The following TRPM3 variants were observed in gnomAD, a reference collection of about 807,000 sequenced individuals.
TRPM3 encodes long transient receptor potential channel 3.
Under a neutral mutation model 181.2 loss-of-function variants are expected in TRPM3, and 77 were observed. That is an observed-to-expected ratio of 0.42 (90% CI 0.35 to 0.51). The LOEUF is 0.51. Ranked by LOEUF, TRPM3 falls within the 20% of genes least tolerant of loss-of-function variation. The probability of loss-of-function intolerance (pLI) is 0.01; values close to 1 mark genes in which losing one functional copy is unlikely to be tolerated. For missense variants in TRPM3, 1,759 were observed against 2,196.7 expected (o/e 0.80, Z 3.98); for synonymous variants, 745 against 796.4 (o/e 0.94, Z 1.09).
At chr9:71,313,264 G>A (rs1032820846) in intron 1 of TRPM3, among the ~76,000 whole-genome samples, 5 of 152,140 alleles carry the variant, frequency 3.3e-5, no homozygotes, top group African/African-American at 1.2e-4. Flanking sequence ...AATTTTTTAA[G>A]TACTATCTTT....
At chr9:70,605,566 G>A (rs2060914577) in intron 19 of TRPM3, among the ~76,000 whole-genome samples, 1 of 151,826 alleles carries the variant, frequency 6.6e-6, no homozygotes, top group Non-Finnish European at 1.5e-5. Context: ...TTAAAATTGT[G>A]TAGGACGCTG....
At chr9:70,932,172 T>C (rs544667483) in intron 1 of TRPM3, among the ~76,000 whole-genome samples, 166 of 152,312 alleles carry the variant, frequency 1.1e-3, no homozygotes, top group Non-Finnish European at 1.9e-3. Context: ...AGATTTGCTT[T>C]ATATGCCTCT....
At chr9:71,270,264 C>T (rs1006307805) in intron 1 of TRPM3, among the ~76,000 whole-genome samples, 7 of 152,130 alleles carry the variant, frequency 4.6e-5, no homozygotes, top group African/African-American at 1.2e-4. Context: ...GCAGAAGAAT[C>T]GCTTGAACCT....
intron 22 of TRPM3, among the ~76,000 whole-genome samples, chr9:70,587,872 A>G (rs1564448542): frequency 6.6e-6 from 1 of 152,190 alleles, no homozygotes; most frequent in Non-Finnish European, 1.5e-5. Context: ...CAACCACACA[A>G]CAACAGCAAG....
intron 1 of TRPM3, among the ~76,000 whole-genome samples, chr9:71,228,564 A>G (rs555293743): frequency 6.6e-6 from 1 of 152,304 alleles, no homozygotes; most frequent in Admixed American, 6.5e-5. Flanking sequence ...AAAATCTTCT[A>G]TTTGGAAAAA....
intron 1 of TRPM3, among the ~76,000 whole-genome samples, chr9:70,995,862 C>T (rs1190737869): frequency 1.3e-5 from 2 of 152,202 alleles, no homozygotes; most frequent in African/African-American, 4.8e-5. Flanking sequence ...GGTGTCTCAA[C>T]TTTGGTCCCT....
intron 1 of TRPM3, among the ~76,000 whole-genome samples, chr9:71,218,316 G>A (rs529685808): frequency 3.9e-5 from 6 of 151,978 alleles, no homozygotes; most frequent in South Asian, 2.1e-4. Flanking sequence ...CATGTCCAGC[G>A]CTCTCTATAT....
At chr9:71,076,119 TA>T (rs1235278975) in intron 1 of TRPM3, among the ~76,000 whole-genome samples, 10 of 152,058 alleles carry the variant, frequency 6.6e-5, no homozygotes, top group African/African-American at 1.9e-4. Context: ...CAAAAAGACA[TA>T]ACTAGTGGTG....
At chr9:71,250,085 T>G (rs1025643442) in intron 1 of TRPM3, among the ~76,000 whole-genome samples, 4 of 152,124 alleles carry the variant, frequency 2.6e-5, no homozygotes, top group African/African-American at 9.7e-5. Context: ...TAAACACCAT[T>G]TACATGACAG....
At chr9:70,543,627 C>T (rs1303326465) in intron 25 of TRPM3, among the ~76,000 whole-genome samples, 1 of 152,070 alleles carries the variant, frequency 6.6e-6, no homozygotes, top group Non-Finnish European at 1.5e-5. Context: ...TTTGAATATA[C>T]TAGTAATAGC....
At chr9:71,358,577 C>A (rs2092006513) in intron 1 of TRPM3, among the ~76,000 whole-genome samples, 1 of 152,128 alleles carries the variant, frequency 6.6e-6, no homozygotes, top group African/African-American at 2.4e-5. Context: ...GCCTAAATGC[C>A]TATCTATCAG....
At chr9:70,918,700 C>T (rs1173809064) in intron 1 of TRPM3, among the ~76,000 whole-genome samples, 1 of 151,948 alleles carries the variant, frequency 6.6e-6, no homozygotes, top group East Asian at 1.9e-4. Context: ...AACAATGCAT[C>T]TTAAAGCAAT....
At chr9:71,315,026 G>T (rs1483673820) in intron 1 of TRPM3, among the ~76,000 whole-genome samples, 2 of 152,142 alleles carry the variant, frequency 1.3e-5, no homozygotes, top group Non-Finnish European at 2.9e-5. Flanking sequence ...AAGTCTCAGT[G>T]TTGTCTCCTG....
chr9:70,595,362 C>T (rs1163780914), intron 21 of TRPM3, among the ~76,000 whole-genome samples: 1 of 152,032 alleles, frequency 6.6e-6, no homozygotes, highest in Non-Finnish European at 1.5e-5. Context: ...AATTTCATTC[C>T]CTGAGGGACA....
intron 22 of TRPM3, among the ~76,000 whole-genome samples, chr9:70,553,731 C>G (rs1025869994): frequency 1.3e-5 from 2 of 152,240 alleles, no homozygotes; most frequent in African/African-American, 4.8e-5. Flanking sequence ...AGCCTGACAG[C>G]TGTAAGAGCA....
chr9:71,083,865 T>C (rs990208183), intron 1 of TRPM3, among the ~76,000 whole-genome samples: 3 of 151,876 alleles, frequency 2.0e-5, no homozygotes, highest in African/African-American at 7.3e-5. Flanking sequence ...TATATCTATA[T>C]ATGTATATAT....
rs1367605404 is a variant in TRPM3 at position 71,398,771 on chromosome 9, C to G, written c.183+47882G>C. 5.3e-5 allele frequency among the ~76,000 whole-genome samples: 8 copies of G among 152,240 alleles called. No homozygotes were observed. The East Asian group carries it at 1.5e-3, about 29-fold the overall frequency. On this transcript the variant is annotated intron_variant, in intron 1 of 24. Coordinates refer to the TRPM3 transcript ENST00000357533. ...ATGGCAGTGTAAGAACAGACTCATA[C>G]AATCTCTATACTAATGCAAAATGAG...
At chr9:71,114,164 C>T (rs2071760428) in intron 1 of TRPM3, among the ~76,000 whole-genome samples, 2 of 152,038 alleles carry the variant, frequency 1.3e-5, no homozygotes, top group South Asian at 4.2e-4. Context: ...TGCATTAAAC[C>T]TTGAAGAATC....
chr9:70,761,967 T>A (rs1027631074), intron 7 of TRPM3, among the ~76,000 whole-genome samples: 4 of 152,174 alleles, frequency 2.6e-5, no homozygotes, highest in Admixed American at 2.0e-4. Flanking sequence ...TTAATTTTAT[T>A]TTTCTGTTTT....
Sources: gnomAD v4.1 joint callset for allele counts (sites outside exome capture counted in the v4.1 genomes callset) on GRCh38, gnomAD v4.1.1 for gene constraint, MANE v1.5 for transcripts, NCBI Gene and HGNC (gene_info 2026-07-23, HGNC 2026-07-21) for gene names.